PUM3: variants seen among roughly 807,000 people sequenced by gnomAD.
PUM3 encodes the protein pumilio homolog 3.
PUM3 carries 91 observed loss-of-function variants against 84.0 expected under a neutral mutation model. The observed-to-expected ratio is 1.08, with a 90% CI of 0.91 to 1.29. The LOEUF (loss-of-function observed/expected upper bound fraction) is 1.29, where lower values mean the gene tolerates loss of function less well. Among genes scored for constraint, PUM3 ranks in the 50% most tolerant of loss-of-function variants. The pLI, the probability that PUM3 is intolerant of heterozygous loss-of-function variation, is 0.00. For synonymous variants in PUM3, 321 were observed against 266.7 expected, an observed-to-expected ratio of 1.20 and a Z score of -1.98; for missense variants, 1,067 against 767.5, an observed-to-expected ratio of 1.39 and a Z score of -4.61.
rs1223511547 is a variant in PUM3 at position 2,834,025 on chromosome 9, A to G, written c.440+6T>C. The G allele has an allele frequency of 6.2e-7, 1 of 1,612,916 alleles. No homozygotes were observed. The highest frequency in any genetic ancestry group is 1.7e-5 in the Admixed American group (1 of 59,862). On this transcript the variant is annotated splice_donor_region_variant and intron_variant, in intron 4 of 17. Coordinates refer to ENST00000397885, the MANE Select transcript of PUM3 (RefSeq NM_014878.5). ...GACTAACAAAGGCATCTTTAGGTAG[A>G]ATTACCTTCTTAAAATCTCCCACAT...
At position 2,838,487 on chromosome 9, in the gene PUM3, C is replaced by T; in HGVS notation, c.21G>A (p.Lys7=). Residue 7 remains lysine, a synonymous_variant, in exon 2 of 18, where the codon AAG becomes AAA. Coordinates refer to ENST00000397885, the MANE Select transcript of PUM3 (RefSeq NM_014878.5). MEVKGK[K]QFTGKSTKTA... Reference sequence around the variant, plus strand: ...TCTTTGTACTCTTTCCTGTGAATTGCTTTTTCCCTTTAACTTCCATCGTAG... The same window carrying T: ...TCTTTGTACTCTTTCCTGTGAATTGTTTTTTCCCTTTAACTTCCATCGTAG... The T allele has an allele frequency of 1.2e-6, 2 of 1,613,302 alleles. No homozygotes were observed. The highest frequency in any genetic ancestry group is 1.7e-6 in the Non-Finnish European group (2 of 1,179,444).
chr9:2,824,753 T>C lies in PUM3; in HGVS notation c.1098A>G (p.Arg366=), dbSNP rs750116881. Residue 366 remains arginine (R), a synonymous_variant, in exon 11 of 18, where the codon AGA becomes AGG. Coordinates refer to ENST00000397885, the MANE Select transcript of PUM3 (RefSeq NM_014878.5). The part of the protein sequence containing the change: ...VYLAHTHDGA[R]VAMHCLWHGT... ...CATGCCACAGGCAGTGCATGGCCAC[T>C]CTGGCGCCATCGTGTGTGTGTGCCA... The C allele has an allele frequency of 1.1e-5, 18 of 1,587,660 alleles. No individual in the cohort carries two copies. The highest frequency in any genetic ancestry group is 1.5e-5 in the Non-Finnish European group (17 of 1,163,332).
intron 14 of PUM3, among the ~76,000 whole-genome samples, 162 bp from the exon 15 acceptor site, chr9:2,811,745 T>C (rs1314811861): frequency 6.6e-6 from 1 of 151,842 alleles, no homozygotes; most frequent in Admixed American, 6.6e-5. Flanking sequence ...GATACGAGTA[T>C]GTGTTCTGTT....
At chr9:2,833,558 C>T (rs764706858) in intron 4 of PUM3, 126 bp from the exon 5 acceptor site, 9 of 512,138 alleles carry the variant, frequency 1.8e-5, no homozygotes, top group Non-Finnish European at 2.7e-5. Flanking sequence ...AGGCAGCAAA[C>T]CTCTGCCATT....
rs117457836 is a variant in PUM3 at position 2,822,263 on chromosome 9, T to C, written c.1188+1518A>G. Reference sequence around the variant, plus strand: ...AACACTGTCAACTACTTTGATCTAATTGACAAATATAGAATACCCCACCAA... The same window carrying C: ...AACACTGTCAACTACTTTGATCTAACTGACAAATATAGAATACCCCACCAA... On this transcript the variant is annotated intron_variant, in intron 12 of 17. Transcript: ENST00000397885. 1.9e-3 allele frequency among the ~76,000 whole-genome samples: 292 copies of C among 152,264 alleles called. 9 individuals carry two copies. The East Asian group carries it at 0.042, about 22-fold the overall frequency.
chr9:2,826,492 T>A (rs1207732599), intron 10 of PUM3, among the ~76,000 whole-genome samples: 1 of 152,232 alleles, frequency 6.6e-6, no homozygotes, highest in Non-Finnish European at 1.5e-5. Context: ...TTATTTTCAT[T>A]ATCCCTTGTG....
chr9:2,842,517 T>C (rs1329741731), intron 1 of PUM3, among the ~76,000 whole-genome samples: 1 of 152,106 alleles, frequency 6.6e-6, no homozygotes, highest in Non-Finnish European at 1.5e-5. Context: ...ACCAACACAA[T>C]TTCTACCCAT....
intron 3 of PUM3, among the ~76,000 whole-genome samples, chr9:2,834,603 A>T (rs968877452): frequency 3.9e-5 from 6 of 152,212 alleles, no homozygotes; most frequent in African/African-American, 1.4e-4. Context: ...TTGTATATTA[A>T]GTCACTTATT....
At chr9:2,821,421 G>A (rs1168560146) in intron 12 of PUM3, among the ~76,000 whole-genome samples, 1 of 108,548 alleles carries the variant, frequency 9.2e-6, no homozygotes, top group Non-Finnish European at 1.8e-5. Context: ...TCCAGCCTGG[G>A]CGACAGAGCA....
chr9:2,816,318 GA>G (rs1488435506), intron 13 of PUM3, among the ~76,000 whole-genome samples: 2 of 152,130 alleles, frequency 1.3e-5, no homozygotes, highest in East Asian at 3.9e-4. Context: ...ATTTTGTTCT[GA>G]AAACAGGGTG....
At chr9:2,833,311 C>G (rs755972665) in intron 5 of PUM3, 46 bp downstream of exon 5, 5 of 994,038 alleles carry the variant, frequency 5.0e-6, no homozygotes, top group Non-Finnish European at 7.8e-6. Context: ...GAGAGTGAGG[C>G]AACTTCAACT....
chr9:2,843,766 G>A (rs1368670399), intron 1 of PUM3, among the ~76,000 whole-genome samples: 1 of 151,824 alleles, frequency 6.6e-6, no homozygotes, highest in East Asian at 1.9e-4. Context: ...TTTTAGTAGA[G>A]ACGGGGTTTC....
At chr9:2,809,994 C>T (rs1209574552) in intron 16 of PUM3, among the ~76,000 whole-genome samples, 4 of 151,786 alleles carry the variant, frequency 2.6e-5, no homozygotes, top group Admixed American at 1.3e-4. Context: ...AATTGGGGCC[C>T]CCTACCCCCT....
chr9:2,827,992 C>T (rs1815869331), intron 9 of PUM3, among the ~76,000 whole-genome samples: 1 of 152,130 alleles, frequency 6.6e-6, no homozygotes, highest in African/African-American at 2.4e-5. Flanking sequence ...GGACAGATGC[C>T]ATGAAGGGCA....
intron 3 of PUM3, among the ~76,000 whole-genome samples, chr9:2,835,208 T>A (rs1052078490): frequency 3.3e-5 from 5 of 151,828 alleles, no homozygotes; most frequent in Admixed American, 1.3e-4. Flanking sequence ...AGGCCAGGAG[T>A]TTGAGATCAG....
At chr9:2,814,538 T>C (rs1283515066) in intron 13 of PUM3, among the ~76,000 whole-genome samples, 2 of 152,142 alleles carry the variant, frequency 1.3e-5, no homozygotes, top group African/African-American at 4.8e-5. Flanking sequence ...TAATGAAGTG[T>C]TTAGTGCCCC....
intron 16 of PUM3, 53 bp downstream of exon 16, chr9:2,810,291 A>C (rs1296789190): frequency 3.4e-6 from 4 of 1,184,874 alleles, no homozygotes; most frequent in Non-Finnish European, 5.1e-6. Flanking sequence ...GGATGCCAGG[A>C]ATTACTGGAA....
intron 9 of PUM3, 39 bp downstream of exon 9, chr9:2,828,636 T>C (rs777047873): frequency 1.6e-6 from 2 of 1,221,526 alleles, no homozygotes; most frequent in Admixed American, 3.5e-5. Flanking sequence ...CTCCTTTGAA[T>C]GTCATTTCTT....
chr9:2,812,378 CAA>C lies in PUM3; in HGVS notation c.1270-18_1270-17del. On this transcript the variant is annotated splice_polypyrimidine_tract_variant and intron_variant, in intron 13 of 17. Coordinates refer to ENST00000397885, the MANE Select transcript of PUM3 (RefSeq NM_014878.5). ...TGATAATTTCCTATAAAATTATAAACAAAAAAAAAGAATCAATATCTGCATTC... is the reference window on the plus strand; with the variant it reads ...TGATAATTTCCTATAAAATTATAAACAAAAAAAGAATCAATATCTGCATTC... 6.8e-7 allele frequency: 1 copy of C among 1,471,464 alleles called. No homozygotes were observed. Among genetic ancestry groups the C allele is most frequent in the Non-Finnish European group, 9.3e-7 (1 of 1,077,246 alleles). 91.2% of individuals were successfully genotyped at this position (1,471,464 alleles called of 1,614,324 possible).
Sources: gnomAD v4.1 joint callset for allele counts (sites outside exome capture counted in the v4.1 genomes callset) on GRCh38, gnomAD v4.1.1 for gene constraint, MANE v1.5 for transcripts, NCBI Gene and HGNC (gene_info 2026-07-23, HGNC 2026-07-21) for gene names.